The following ZNF420 variants were observed in gnomAD, a reference collection of about 807,000 sequenced individuals.
ZNF420 encodes ATM and p53-associated KZNF protein.
Under a neutral mutation model 44.7 loss-of-function variants are expected in ZNF420, and 31 were observed. That is an observed-to-expected ratio of 0.69 (90% confidence interval 0.52 to 0.94). The LOEUF (loss-of-function observed/expected upper bound fraction) is 0.94. Ranked by LOEUF, ZNF420 falls within the 40% of genes least tolerant of loss-of-function variation. ZNF420 has a pLI of 0.00. For synonymous variants in ZNF420, 245 were observed against 267.4 expected, an observed-to-expected ratio of 0.92 and a Z score of 0.82; for missense variants, 681 against 827.9, an observed-to-expected ratio of 0.82 and a Z score of 2.18.
intron 1 of ZNF420, among the ~76,000 whole-genome samples, chr19:37,012,937 T>C (rs995220502): frequency 7.2e-5 from 11 of 152,076 alleles, no homozygotes; most frequent in Non-Finnish European, 1.3e-4. Flanking sequence ...TGCTGTTTCT[T>C]TCTTGTAAGC....
chr19:37,025,246 C>A, intron 1 of ZNF420: 3 of 311,482 alleles, frequency 9.6e-6, no homozygotes, highest in South Asian at 1.4e-4. Flanking sequence ...ATCTCTTGTT[C>A]ATTGAACATG....
At chr19:37,023,344 G>T (rs895741155) in intron 1 of ZNF420, among the ~76,000 whole-genome samples, 6 of 152,222 alleles carry the variant, frequency 3.9e-5, no homozygotes, top group South Asian at 2.1e-4. Context: ...ATAGAAGAAT[G>T]CCAGAAAAGG....
chr19:37,029,568 A>G (rs1295104386), intron 1 of ZNF420, among the ~76,000 whole-genome samples: 6 of 145,322 alleles, frequency 4.1e-5, no homozygotes, highest in Non-Finnish European at 7.5e-5. Context: ...TTTTTTTTGA[A>G]TCAAAGTCTC....
chr19:37,126,014 A>G (rs1248443294), intron 4 of ZNF420, among the ~76,000 whole-genome samples: 1 of 152,212 alleles, frequency 6.6e-6, no homozygotes, highest in African/African-American at 2.4e-5. Flanking sequence ...TTCTAGAATC[A>G]TAAGACTTCT....
rs115248918 is a variant in ZNF420 at position 37,008,805 on chromosome 19, C to G, written c.-125+723C>G. On this transcript the variant is annotated intron_variant, in intron 1 of 4. Coordinates refer to the ZNF420 transcript ENST00000587029. The stretch of plus-strand genomic sequence containing the variant: ...CTGTCCTCCCTCTTGCTGTGTCTCC[C>G]GTTTCTGAGGGGTGCAGATGCTTCT... Among the ~76,000 whole-genome samples, 602 of 152,310 alleles carry G rather than the reference C, an allele frequency of 4.0e-3. 5 individuals are homozygous for G. The highest frequency in any genetic ancestry group is 0.014 in the African/African-American group (575 of 41,564).
At chr19:37,054,790 T>C (rs1013718737) in intron 1 of ZNF420, among the ~76,000 whole-genome samples, 5 of 152,068 alleles carry the variant, frequency 3.3e-5, no homozygotes, top group African/African-American at 1.2e-4. Context: ...TCTTGGAGAG[T>C]TTCTTGATTC....
intron 1 of ZNF420, among the ~76,000 whole-genome samples, chr19:37,040,430 C>T (rs1406225115): frequency 6.6e-6 from 1 of 152,172 alleles, no homozygotes; most frequent in Non-Finnish European, 1.5e-5. Flanking sequence ...AAACTTTCTC[C>T]ATACCAGCAA....
At chr19:37,025,465 A>AT (rs1289834964) in intron 1 of ZNF420, among the ~76,000 whole-genome samples, 1 of 152,158 alleles carries the variant, frequency 6.6e-6, no homozygotes, top group East Asian at 1.9e-4. Flanking sequence ...AAGCACAGAC[A>AT]TTAAGACAAC....
At chr19:37,120,626 C>A (rs1449714676) in intron 4 of ZNF420, among the ~76,000 whole-genome samples, 1 of 152,004 alleles carries the variant, frequency 6.6e-6, no homozygotes, top group African/African-American at 2.4e-5. Flanking sequence ...CTGGCCAGGG[C>A]AATTAGGCAG....
At chr19:37,070,564 TA>T (rs1179061876) in intron 1 of ZNF420, among the ~76,000 whole-genome samples, 2 of 152,196 alleles carry the variant, frequency 1.3e-5, no homozygotes, top group South Asian at 4.1e-4. Context: ...CCTATAATAA[TA>T]AAAAGACAAC....
intron 1 of ZNF420, among the ~76,000 whole-genome samples, chr19:37,056,064 T>TTC: frequency 6.6e-6 from 1 of 151,968 alleles, no homozygotes; most frequent in South Asian, 2.1e-4. Flanking sequence ...CCATTCTCTC[T>TTC]TCTCTCTCTG....
chr19:37,125,191 AT>A (rs1267831277), intron 4 of ZNF420, among the ~76,000 whole-genome samples: 1 of 152,160 alleles, frequency 6.6e-6, no homozygotes, highest in African/African-American at 2.4e-5. Flanking sequence ...GAACCCTTTC[AT>A]TACGTTATAG....
At chr19:37,110,184 GAGTA>G (rs1407779311) in intron 4 of ZNF420, among the ~76,000 whole-genome samples, 2 of 152,194 alleles carry the variant, frequency 1.3e-5, no homozygotes, top group African/African-American at 2.4e-5. Flanking sequence ...TATGAAATGT[GAGTA>G]AGTATCAACT....
intron 4 of ZNF420, among the ~76,000 whole-genome samples, chr19:37,093,470 C>T (rs933271184): frequency 2.0e-5 from 3 of 152,146 alleles, no homozygotes; most frequent in Admixed American, 1.3e-4. Flanking sequence ...ATCCGCCCAC[C>T]TCCCTCCCAA....
chr19:37,026,558 A>T (rs1967163889), intron 1 of ZNF420, among the ~76,000 whole-genome samples: 1 of 152,112 alleles, frequency 6.6e-6, no homozygotes, highest in Admixed American at 6.5e-5. Flanking sequence ...ACTTCAGGTG[A>T]TCTGCCCACC....
intron 4 of ZNF420, among the ~76,000 whole-genome samples, chr19:37,095,228 T>C (rs1012113600): frequency 1.3e-5 from 2 of 152,196 alleles, no homozygotes; most frequent in African/African-American, 4.8e-5. Context: ...TTTGGGGGTA[T>C]TTCTGCCTGT....
chr19:37,073,851 C>T (rs114420053), upstream of ZNF420, among the ~76,000 whole-genome samples: 459 of 151,612 alleles, frequency 3.0e-3, 1 homozygote, highest in African/African-American at 0.01. Flanking sequence ...AATGGGGACA[C>T]GGGCACCAGC....
chr19:37,061,868 T>G (rs1337809574), intron 1 of ZNF420, among the ~76,000 whole-genome samples: 1 of 152,128 alleles, frequency 6.6e-6, no homozygotes, highest in Non-Finnish European at 1.5e-5. Context: ...GGTCATGAGT[T>G]TCTGAGGAAG....
At chr19:37,084,915 T>G (rs951343601) in intron 2 of ZNF420, among the ~76,000 whole-genome samples, 28 of 152,214 alleles carry the variant, frequency 1.8e-4, no homozygotes, top group African/African-American at 6.8e-4. Context: ...TAAACTGTAT[T>G]AATCTTTTGA....
Sources: allele counts gnomAD v4.1 joint callset (sites outside exome capture counted in the v4.1 genomes callset), GRCh38; gene constraint gnomAD v4.1.1; transcripts MANE v1.5; gene names NCBI Gene and HGNC (gene_info 2026-07-23, HGNC 2026-07-21).